The following MYOZ3 variants were observed in gnomAD, a reference collection of about 807,000 sequenced individuals.
MYOZ3 encodes myozenin-3.
A neutral mutation model predicts 26.5 loss-of-function variants in MYOZ3; 19 were observed. The observed-to-expected ratio is 0.72, with a 90% CI of 0.50 to 1.05. The LOEUF (loss-of-function observed/expected upper bound fraction) is 1.05. Among genes scored for constraint, MYOZ3 ranks in the 50% least tolerant of loss-of-function variants. The pLI, the probability that MYOZ3 is intolerant of heterozygous loss-of-function variation, is 0.00. For missense variants in MYOZ3, 322 were observed against 337.1 expected (o/e 0.96, Z 0.35); for synonymous variants, 135 against 138.8 (o/e 0.97, Z 0.19).
At chr5:150,668,484 T>C (rs1758841989) in intron 2 of MYOZ3, among the ~76,000 whole-genome samples, 1 of 152,232 alleles carries the variant, frequency 6.6e-6, no homozygotes, top group Non-Finnish European at 1.5e-5. Context: ...TGGTTCCTCC[T>C]CACCGCCTCA....
chr5:150,670,996 A>C (rs1758898001), intron 3 of MYOZ3: 1 of 172,008 alleles, frequency 5.8e-6, no homozygotes, highest in Non-Finnish European at 1.2e-5. Flanking sequence ...GAAAATGTAG[A>C]ATGCCCTTTT....
Position 150,672,328 on chromosome 5 carries a change from C to G in MYOZ3, c.425-12C>G, listed in dbSNP as rs560708839. On this transcript the variant is annotated splice_polypyrimidine_tract_variant and intron_variant, in intron 5 of 6. Coordinates refer to ENST00000517768, the MANE Select transcript of MYOZ3 (RefSeq NM_001122853.3). ...GAAGAACGGAGGCGCTCCCTTCCCC[C>G]CGCGCCCCTAGGCTATGCGGAGCCG... 35 of 1,590,330 alleles carry G rather than the reference C, an allele frequency of 2.2e-5. No individual in the cohort carries two copies. In the South Asian group the frequency reaches 3.1e-4, roughly 14 times the overall value.
At chr5:150,675,307 C>A (rs74525190) in intron 6 of MYOZ3, among the ~76,000 whole-genome samples, 3,745 of 152,088 alleles carry the variant, frequency 0.025, 187 homozygotes, top group African/African-American at 0.086. Context: ...ATTACGCTTT[C>A]GAAATCTACC....
chr5:150,672,518 C>G lies in MYOZ3; in HGVS notation c.587+16C>G, dbSNP rs768354919. ...ATTTCAACAAGTAAGGCGGGGCGGG[C>G]AGCCCGGGGGACAGACCGGGAGGGG... On this transcript the variant is annotated intron_variant, in intron 6 of 6. Coordinates refer to ENST00000517768, the MANE Select transcript of MYOZ3 (RefSeq NM_001122853.3). 3.9e-6 allele frequency: 6 copies of G among 1,551,218 alleles called. No homozygotes were observed. In the Middle Eastern group the frequency reaches 5.2e-4, roughly 135 times the overall value.
In MYOZ3 at chr5:150,677,148, A is replaced by G. The variant is rs1018241788; in HGVS notation, c.*273A>G. 2 of 299,282 alleles carry G rather than the reference A, an allele frequency of 6.7e-6. No individual in the cohort carries two copies. The highest frequency in any genetic ancestry group is 4.6e-5 in the Admixed American group (1 of 21,522). 18.5% of individuals were successfully genotyped at this position (299,282 alleles called of 1,614,324 possible). ...GGAATCTGTATTATTAATAGCAACC[A>G]GGGCCGGGTGTCGTGGCTCACGCCT... On this transcript the variant is annotated 3_prime_UTR_variant, in exon 7 of 7. Transcript: ENST00000517768.
At chr5:150,670,221 A>C in intron 2 of MYOZ3, 2 of 328,072 alleles carry the variant, frequency 6.1e-6, no homozygotes, top group Admixed American at 4.8e-5. Context: ...TGCATGGGGA[A>C]TTCATGCAAT....
At chr5:150,666,245 T>A (rs1046416504) in intron 2 of MYOZ3, among the ~76,000 whole-genome samples, 5 of 152,182 alleles carry the variant, frequency 3.3e-5, no homozygotes, top group African/African-American at 1.2e-4. Context: ...TGGTCACTGC[T>A]GTGGTGACAT....
chr5:150,671,516 C>CTT, intron 3 of MYOZ3, 81 bp from the exon 4 acceptor site: 4 of 1,422,054 alleles, frequency 2.8e-6, no homozygotes, highest in Admixed American at 2.0e-5. Context: ...TCCCCCCGAC[C>CTT]TTTTTTTTTG....
chr5:150,663,192 C>A (rs147428534), intron 2 of MYOZ3, among the ~76,000 whole-genome samples, 190 bp downstream of exon 2: 1 of 152,350 alleles, frequency 6.6e-6, no homozygotes, highest in Non-Finnish European at 1.5e-5. Context: ...AGGGGTCTTG[C>A]CCATCTGTCC....
chr5:150,673,212 C>T (rs1441486998), intron 6 of MYOZ3: 3 of 152,278 alleles, frequency 2.0e-5, no homozygotes, highest in Admixed American at 2.0e-4. Flanking sequence ...CCTCCATTGC[C>T]CCACCTGTAA....
At chr5:150,667,579 C>T (rs1034830806) in intron 2 of MYOZ3, among the ~76,000 whole-genome samples, 1 of 152,156 alleles carries the variant, frequency 6.6e-6, no homozygotes, top group Non-Finnish European at 1.5e-5. Context: ...CTCTCTATTG[C>T]ATTGTCAAAT....
Position 150,671,657 on chromosome 5 carries a change from G to T in MYOZ3, c.270+7G>T. On this transcript the variant is annotated splice_region_variant and intron_variant, in intron 4 of 6. Transcript: ENST00000517768. ...AACAGCGGAGTCGGGGACGGTGAGCGTGGAGGGGAGCTCCCTGGAAGGGAA... is the reference window on the plus strand; with the variant it reads ...AACAGCGGAGTCGGGGACGGTGAGCTTGGAGGGGAGCTCCCTGGAAGGGAA... 6.2e-7 allele frequency: 1 copy of T among 1,613,896 alleles called. No homozygotes were observed. Among genetic ancestry groups the T allele is most frequent in the Non-Finnish European group, 8.5e-7 (1 of 1,179,988 alleles).
rs1758889520 is a variant in MYOZ3, at chr5:150,670,596, TGTGCA to T, written c.176_180del (p.Val59GlufsTer38). The T allele has an allele frequency of 5.0e-6, 8 of 1,612,484 alleles. No homozygotes were observed. In the East Asian group the frequency reaches 1.8e-4, roughly 36 times the overall value. On this transcript the variant is annotated frameshift_variant, in exon 3 of 7. Coordinates refer to ENST00000517768, the MANE Select transcript of MYOZ3 (RefSeq NM_001122853.3). LOFTEE classifies it high-confidence loss of function. The stretch of plus-strand genomic sequence containing the variant: ...TCCTCTTCCAGAAGAGGCAGCGCCG[TGTGCA>T]GAAGTTCACTTTCGAGTTAGCAGCC...
At chr5:150,675,376 T>C (rs1758988416) in intron 6 of MYOZ3, among the ~76,000 whole-genome samples, 1 of 152,186 alleles carries the variant, frequency 6.6e-6, no homozygotes, top group South Asian at 2.1e-4. Flanking sequence ...CTTTTTCTTT[T>C]TTTTTCGCGG....
intron 6 of MYOZ3, 26 bp from the exon 7 acceptor site, chr5:150,676,681 C>T (rs1246712840): frequency 1.2e-6 from 2 of 1,608,592 alleles, no homozygotes; most frequent in Non-Finnish European, 1.7e-6. Context: ...ACACAGCCCA[C>T]CTCTCCTGCT....
intron 6 of MYOZ3, among the ~76,000 whole-genome samples, chr5:150,673,496 G>A (rs112393777): frequency 0.085 from 12,904 of 151,870 alleles, 1,703 homozygotes; most frequent in African/African-American, 0.28. Flanking sequence ...GCCCACCACC[G>A]TGCCCGGCTA....
At chr5:150,665,852 A>C (rs1329170062) in intron 2 of MYOZ3, among the ~76,000 whole-genome samples, 3 of 152,112 alleles carry the variant, frequency 2.0e-5, no homozygotes, top group Non-Finnish European at 4.4e-5. Context: ...CCTGACCAAC[A>C]TGGAGAAACC....
intron 1 of MYOZ3, among the ~76,000 whole-genome samples, chr5:150,661,979 G>A (rs746841559): frequency 6.6e-6 from 1 of 152,192 alleles, no homozygotes; most frequent in Admixed American, 6.5e-5. Context: ...TGCAGAGCTG[G>A]AAAGCTACTT....
intron 6 of MYOZ3, among the ~76,000 whole-genome samples, chr5:150,674,216 C>G (rs1344471427): frequency 1.3e-5 from 2 of 152,230 alleles, no homozygotes; most frequent in Non-Finnish European, 2.9e-5. Flanking sequence ...CCCTCAGACC[C>G]TGCCTGCCCA....
Sources: allele counts gnomAD v4.1 joint callset (sites outside exome capture counted in the v4.1 genomes callset), GRCh38; gene constraint gnomAD v4.1.1; transcripts MANE v1.5; gene names NCBI Gene and HGNC (gene_info 2026-07-23, HGNC 2026-07-21).